NTM: variants seen among roughly 807,000 people sequenced by gnomAD.
NTM encodes the protein neurotrimin.
In NTM, 13 loss-of-function variants were observed where a neutral mutation model predicts 42.1. The ratio of observed to expected loss-of-function variants is 0.31; its 90% CI spans 0.20 to 0.49. The LOEUF (loss-of-function observed/expected upper bound fraction) is 0.49, where lower values mean the gene tolerates loss of function less well. NTM is among the 20% of genes least tolerant of loss of function. NTM has a pLI of 0.99. For missense variants in NTM, 373 were observed against 452.8 expected (o/e 0.82, Z 1.60); for synonymous variants, 187 against 179.2 (o/e 1.04, Z -0.35).
chr11:132,099,044 G>T (rs1028542371), intron 2 of NTM, among the ~76,000 whole-genome samples: 1 of 152,262 alleles, frequency 6.6e-6, no homozygotes, highest in Non-Finnish European at 1.5e-5. Context: ...TTTACTGCCT[G>T]CAGAAGCCGC....
At chr11:131,879,425 A>G (rs1164622869) in intron 1 of NTM, among the ~76,000 whole-genome samples, 1 of 152,096 alleles carries the variant, frequency 6.6e-6, no homozygotes, top group East Asian at 1.9e-4. Flanking sequence ...AAAACATTGA[A>G]ATTTTGGGTC....
At chr11:131,934,363 A>G (rs1206533140) in intron 2 of NTM, among the ~76,000 whole-genome samples, 1 of 152,234 alleles carries the variant, frequency 6.6e-6, no homozygotes, top group Non-Finnish European at 1.5e-5. Flanking sequence ...CTTCAGAGGC[A>G]GAATAGTAGA....
chr11:131,734,331 T>C (rs2080127889), intron 1 of NTM, among the ~76,000 whole-genome samples: 2 of 152,304 alleles, frequency 1.3e-5, no homozygotes, highest in Middle Eastern at 3.4e-3. Flanking sequence ...CACTGTGAGA[T>C]CCAGTACATT....
chr11:132,314,902 GAA>G, intron 7 of NTM, 199 bp downstream of exon 7: 1 of 1,351,244 alleles, frequency 7.4e-7, no homozygotes, highest in African/African-American at 1.5e-5. Context: ...GACAGAAAGA[GAA>G]AGAACAAGAG....
intron 4 of NTM, among the ~76,000 whole-genome samples, chr11:132,226,662 G>C (rs2086363339): frequency 6.6e-6 from 1 of 152,166 alleles, no homozygotes; most frequent in Non-Finnish European, 1.5e-5. Flanking sequence ...GGGGCGTAAA[G>C]ATAGCCAGTA....
intron 1 of NTM, among the ~76,000 whole-genome samples, chr11:131,523,150 C>T (rs1451099633): frequency 6.6e-6 from 1 of 152,086 alleles, no homozygotes; most frequent in Non-Finnish European, 1.5e-5. Flanking sequence ...TGCTAAGTGG[C>T]CAGGGAGCAT....
chr11:131,845,239 A>G (rs1488018438), intron 1 of NTM, among the ~76,000 whole-genome samples: 1 of 152,182 alleles, frequency 6.6e-6, no homozygotes, highest in Non-Finnish European at 1.5e-5. Context: ...AGTTGATTAC[A>G]CATTTAAGGA....
intron 1 of NTM, among the ~76,000 whole-genome samples, chr11:131,411,553 G>A (rs569369723): frequency 1.5e-3 from 219 of 146,158 alleles, no homozygotes; most frequent in African/African-American, 5.8e-3. Context: ...GTGTGTGTGT[G>A]TGTGTGTGTG....
intron 1 of NTM, among the ~76,000 whole-genome samples, chr11:131,514,884 G>T (rs2048699455): frequency 6.6e-6 from 1 of 151,480 alleles, no homozygotes; most frequent in Middle Eastern, 3.3e-3. Context: ...GAGCCCCCAT[G>T]CCCGGCCTTG....
chr11:131,589,365 A>G (rs998914312), intron 1 of NTM, among the ~76,000 whole-genome samples: 1 of 152,144 alleles, frequency 6.6e-6, no homozygotes, highest in Admixed American at 6.5e-5. Flanking sequence ...AGACTCTCCT[A>G]AAGTCCTCCC....
chr11:132,043,958 A>ATGTGTGTG (rs71067353), intron 2 of NTM, among the ~76,000 whole-genome samples: 11,567 of 146,140 alleles, frequency 0.079, 486 homozygotes, highest in Admixed American at 0.12. Flanking sequence ...GACACCAACT[A>ATGTGTGTG]TGTGTGTGTG....
At chr11:131,560,569 T>G (rs1177408922) in intron 1 of NTM, among the ~76,000 whole-genome samples, 1 of 152,178 alleles carries the variant, frequency 6.6e-6, no homozygotes, top group East Asian at 1.9e-4. Context: ...CCTACATGCT[T>G]TATTCATTCT....
chr11:132,002,579 C>T lies in NTM; in HGVS notation c.167+90931C>T, dbSNP rs137949696. Among the ~76,000 whole-genome samples the T allele has an allele frequency of 6.6e-6, 1 of 152,150 alleles. No individual in the cohort carries two copies. Among genetic ancestry groups the T allele is most frequent in the Non-Finnish European group, 1.5e-5 (1 of 68,014 alleles). On this transcript the variant is annotated intron_variant, in intron 2 of 8. Transcript: ENST00000683400. The surrounding 1 kb of genome is among the most constrained non-coding windows in gnomAD (Gnocchi z 4.5). ...GTCCCCCAAATTGGAGGCTTCTGGC[C>T]ATTGCTTGAATAACTTTCTGCCTCT...
At position 132,146,796 on chromosome 11, in the gene NTM, A is replaced by T; in HGVS notation, c.400+282A>T. On this transcript the variant is annotated intron_variant, in intron 3 of 8. Coordinates refer to ENST00000683400, the MANE Select transcript of NTM (RefSeq NM_001352005.2). This position sits in a 1 kb window ranked among gnomAD's most constrained non-coding sequence, Gnocchi z 4.5. ...CTCTTCTTGGCTTTTTTCTCCCCTA[A>T]GTTTTAGTTATTTTTGTTTGTTTGT... is the stretch of plus-strand genomic sequence containing the variant. The T allele has an allele frequency of 2.5e-6, 1 of 402,578 alleles. No individual in the cohort carries two copies. The highest frequency in any genetic ancestry group is 4.4e-6 in the Non-Finnish European group (1 of 228,562). The allele number at this position is 402,578 out of a possible 1,614,324, so 24.9% of individuals were successfully genotyped here. A position where few individuals can be genotyped will look rare whatever the true frequency, so the allele number is the denominator to read the frequency against.
chr11:131,947,679 G>C (rs11222843), intron 2 of NTM, among the ~76,000 whole-genome samples: 41 of 152,140 alleles, frequency 2.7e-4, no homozygotes, highest in African/African-American at 9.4e-4. Context: ...GCCCTCAGGG[G>C]CCTTGTTTCC....
intron 1 of NTM, chr11:131,503,011 A>T (rs1332286615): frequency 6.6e-6 from 1 of 152,424 alleles, no homozygotes; most frequent in Non-Finnish European, 1.5e-5. Context: ...CAGAGGAAAC[A>T]GACAACTTTC....
At chr11:131,543,543 C>G (rs1307185193) in intron 1 of NTM, among the ~76,000 whole-genome samples, 1 of 152,172 alleles carries the variant, frequency 6.6e-6, no homozygotes, top group Non-Finnish European at 1.5e-5. Flanking sequence ...CAACCAGCAC[C>G]AGAGGAAAGC....
chr11:132,113,146 T>C (rs988045047), intron 2 of NTM, among the ~76,000 whole-genome samples: 2 of 152,168 alleles, frequency 1.3e-5, no homozygotes, highest in African/African-American at 4.8e-5. Flanking sequence ...CCTGATTGCT[T>C]TGATCAGGTT....
At chr11:131,903,210 A>G (rs2053409456) in intron 1 of NTM, among the ~76,000 whole-genome samples, 1 of 152,244 alleles carries the variant, frequency 6.6e-6, no homozygotes. Flanking sequence ...AAACTCTTCT[A>G]ACCCGGATAT....
Sources: allele counts gnomAD v4.1 joint callset (sites outside exome capture counted in the v4.1 genomes callset), GRCh38; gene constraint gnomAD v4.1.1; non-coding constraint Gnocchi (gnomAD v3.1); transcripts MANE v1.5; gene names NCBI Gene and HGNC (gene_info 2026-07-23, HGNC 2026-07-21).